Variants in BSX observed in about 807,000 individuals in gnomAD.
The protein encoded by BSX is brain specific homeobox, also known as brain-specific homeobox protein homolog.
A neutral mutation model predicts 16.9 loss-of-function variants in BSX; 12 were observed. The observed-to-expected ratio is 0.71, with a 90% confidence interval of 0.46 to 1.15. The LOEUF (loss-of-function observed/expected upper bound fraction) is 1.15. BSX is among the 50% of genes most tolerant of loss of function. The pLI is 0.00. For synonymous variants in BSX, 160 were observed against 136.4 expected (o/e 1.17, Z -1.20); for missense variants, 292 against 311.8 (o/e 0.94, Z 0.48).
At chr11:122,979,806 T>C (rs1456131432) in intron 1 of BSX, among the ~76,000 whole-genome samples, 4 of 152,138 alleles carry the variant, frequency 2.6e-5, no homozygotes. Context: ...GCGCGGAGTC[T>C]TCAGTTGCGC....
rs779880586 is a variant in BSX, at chr11:122,979,442, G to C, written c.278C>G (p.Ala93Gly). 3.1e-6 allele frequency: 5 copies of C among 1,611,950 alleles called. No individual in the cohort carries two copies. The highest frequency in any genetic ancestry group is 4.2e-6 in the Non-Finnish European group (5 of 1,179,672). Residue 93 changes from alanine (A) to glycine (G), a missense_variant, in exon 2 of 3, where the codon GCG becomes GGG. Physicochemically the swap from Ala to Gly is moderately conservative, Grantham distance 60. Around this residue, in one of 3 missense-constraint regions of BSX, gnomAD observed 176 missense variants for 187.2 expected, o/e 0.94. Transcript: ENST00000343035. The part of the protein sequence containing the change: ...FLTTSGMPVP[A>G]LFPHPQHAEL... The stretch of plus-strand genomic sequence containing the variant: ...CGCGTGCTGCGGGTGCGGGAACAGC[G>C]CTGGGACTGGCATCCCTGCAGAGAG...
At position 122,977,952 on chromosome 11, in the gene BSX, G is replaced by C. The variant is rs1591410713; in HGVS notation, c.460-61C>G. 1 of 1,599,606 alleles carries C rather than the reference G, an allele frequency of 6.3e-7. No individual in the cohort carries two copies. The highest frequency in any genetic ancestry group is 2.2e-5 in the East Asian group (1 of 44,852). ...TCCTCCAAATCTGAGCCATCGCTGG[G>C]GTTTAGGAAAATGGGCTGCAGTCCG... On this transcript the variant is annotated intron_variant, in intron 2 of 2. Transcript: ENST00000343035. This position sits in a 1 kb window ranked among gnomAD's most constrained non-coding sequence, Gnocchi z 4.5.
At chr11:122,980,637 G>C (rs1420027117) in intron 1 of BSX, among the ~76,000 whole-genome samples, 1 of 152,126 alleles carries the variant, frequency 6.6e-6, no homozygotes, top group Non-Finnish European at 1.5e-5. Flanking sequence ...CTTTCAGAGG[G>C]AGACAGAAAA....
intron 1 of BSX, among the ~76,000 whole-genome samples, chr11:122,980,045 G>A (rs922938848): frequency 3.3e-5 from 5 of 152,166 alleles, no homozygotes; most frequent in Non-Finnish European, 5.9e-5. Flanking sequence ...GAGAAGCCCC[G>A]GAGCCGAAAC....
rs552096658 is a variant in BSX, at chr11:122,981,716, G to C, written c.-45C>G. On this transcript the variant is annotated 5_prime_UTR_variant, in exon 1 of 3. Transcript: ENST00000343035. ...ACAGGACAAGGGCCGGGACGAAGTG[G>C]AGGACGCAGGCAGAGTCTCCAAGCC... The C allele has an allele frequency of 6.5e-7, 1 of 1,531,184 alleles. No homozygotes were observed. The allele number at this position is 1,531,184 out of a possible 1,614,324, so 94.8% of individuals were successfully genotyped here. A position where few individuals can be genotyped will look rare whatever the true frequency, so the allele number is the denominator to read the frequency against.
chr11:122,977,922 G>C lies in BSX; in HGVS notation c.460-31C>G, dbSNP rs1312972742. 2 of 1,610,352 alleles carry C rather than the reference G, an allele frequency of 1.2e-6. No homozygotes were observed. Among genetic ancestry groups the C allele is most frequent in the Non-Finnish European group, 8.5e-7 (1 of 1,179,796 alleles). ...TTCGGGGAGATAAAAATAAAATCAT[G>C]TCATTCCTCCAAATCTGAGCCATCG... is the stretch of plus-strand genomic sequence containing the variant. On this transcript the variant is annotated intron_variant, in intron 2 of 2. Transcript: ENST00000343035. This position sits in a 1 kb window ranked among gnomAD's most constrained non-coding sequence, Gnocchi z 4.5.
rs763467899 is a variant in BSX, at chr11:122,979,478, A to T, written c.263-21T>A. 11 of 1,595,428 alleles carry T rather than the reference A, an allele frequency of 6.9e-6. No homozygotes were observed. The East Asian group carries it at 2.0e-4, about 29-fold the overall frequency. ...CATCCCTGCAGAGAGAAGAGCAACC[A>T]AGTGGGCAGAGCGTGGGTCGCCGGA... On this transcript the variant is annotated intron_variant, in intron 1 of 2. Transcript: ENST00000343035.
intron 1 of BSX, 62 bp from the exon 2 acceptor site, chr11:122,979,519 C>T (rs1864542441): frequency 6.9e-7 from 1 of 1,458,192 alleles, no homozygotes; most frequent in East Asian, 2.3e-5. Context: ...ATCTCCGCTC[C>T]GCTCCCCTCC....
chr11:122,979,426 C>G lies in BSX; in HGVS notation c.294G>C (p.Pro98=), dbSNP rs369683033. The change falls in exon 2 of 3, where the codon CCG becomes CCC. Residue 98 remains proline (P), a synonymous_variant. Coordinates refer to ENST00000343035, the MANE Select transcript of BSX (RefSeq NM_001098169.2). ...GCTTCCCCGGCAGCTCCGCGTGCTG[C>G]GGGTGCGGGAACAGCGCTGGGACTG... The part of the protein sequence containing the change: ...GMPVPALFPH[P]QHAELPGKHC... 1.9e-6 allele frequency: 3 copies of G among 1,613,176 alleles called. No individual in the cohort carries two copies. Among genetic ancestry groups the G allele is most frequent in the South Asian group, 2.2e-5 (2 of 91,018 alleles).
rs971109678 is a variant in BSX, at chr11:122,981,502, G to A, written c.170C>T (p.Pro57Leu). 6 of 1,590,568 alleles carry A rather than the reference G, an allele frequency of 3.8e-6. No individual in the cohort carries two copies. The highest frequency in any genetic ancestry group is 3.4e-6 in the Non-Finnish European group (4 of 1,168,390). The stretch of plus-strand genomic sequence containing the variant: ...CAAGAGGGTGGGTGTGGGCATGAGG[G>A]GGTAGCCATAGTCTAGCAGAGGCAC... ...SRVPLLDYGYPLMPTPTLLAP... is the reference protein window; with the variant it reads ...SRVPLLDYGYLLMPTPTLLAP... Residue 57 changes from proline to leucine, a missense_variant, in exon 1 of 3, where the codon CCC becomes CTC. Transcript: ENST00000343035.
chr11:122,979,237 G>T, intron 2 of BSX, 24 bp downstream of exon 2: 2 of 1,598,522 alleles, frequency 1.3e-6, no homozygotes, highest in Non-Finnish European at 1.7e-6. Flanking sequence ...GCAGAGATCA[G>T]GGCCTCCCTC....
At position 122,981,585 on chromosome 11, in the gene BSX, C is replaced by T. The variant is rs1256115596; in HGVS notation, c.87G>A (p.Lys29=). The change falls in exon 1 of 3, where the codon AAG becomes AAA. Residue 29 remains lysine, a synonymous_variant. Coordinates refer to ENST00000343035, the MANE Select transcript of BSX (RefSeq NM_001098169.2). Reference sequence around the variant, plus strand: ...GGGCCACCTCTCTCAGCGGCTTGGGCTTGTGCAGCAGGATGTCCTCGATGA... The same window carrying T: ...GGGCCACCTCTCTCAGCGGCTTGGGTTTGTGCAGCAGGATGTCCTCGATGA... ...SFFIEDILLH[K]PKPLREVAPD... 1.3e-6 allele frequency: 2 copies of T among 1,598,884 alleles called. No individual in the cohort carries two copies. Among genetic ancestry groups the T allele is most frequent in the Non-Finnish European group, 8.5e-7 (1 of 1,173,048 alleles).
At chr11:122,978,335 G>C (rs952317310) in intron 2 of BSX, among the ~76,000 whole-genome samples, 1 of 152,192 alleles carries the variant, frequency 6.6e-6, no homozygotes. Context: ...GAGGCGTTCC[G>C]GGTAGAGACT....
At chr11:122,980,526 C>T (rs1452378039) in intron 1 of BSX, among the ~76,000 whole-genome samples, 1 of 152,172 alleles carries the variant, frequency 6.6e-6, no homozygotes, top group Non-Finnish European at 1.5e-5. Flanking sequence ...GCCCCTCCAC[C>T]GACCATGGTT....
At chr11:122,979,171 A>C in intron 2 of BSX, 90 bp downstream of exon 2, 2 of 1,235,062 alleles carry the variant, frequency 1.6e-6, no homozygotes, top group Non-Finnish European at 2.3e-6. Flanking sequence ...GTCTATTTCT[A>C]CTCGAACTCC....
In BSX at chr11:122,979,299, C is replaced by A; in HGVS notation, c.421G>T (p.Val141Leu). The A allele has an allele frequency of 6.2e-7, 1 of 1,614,068 alleles. No homozygotes were observed. Among genetic ancestry groups the A allele is most frequent in the Non-Finnish European group, 8.5e-7 (1 of 1,179,948 alleles). Residue 141 changes from valine to leucine, a missense_variant, in exon 2 of 3, where the codon GTG becomes TTG. Val to Leu is a conservative substitution (Grantham distance 32). Around this residue, in one of 3 missense-constraint regions of BSX, gnomAD observed 176 missense variants for 187.2 expected, o/e 0.94. Transcript: ENST00000343035. The stretch of plus-strand genomic sequence containing the variant: ...AGGCTGAGGGCCGTGGCCAGCTCCA[C>A]TCGTTCTGGCGTGGACAGGTAGCGC... ...IQRYLSTPER[V>L]ELATALSLSE...
rs181974974 is a variant in BSX, at chr11:122,978,494, T to A, written c.460-603A>T. Among the ~76,000 whole-genome samples the A allele has an allele frequency of 2.6e-5, 4 of 152,110 alleles. No homozygotes were observed. The East Asian group carries it at 7.8e-4, about 30-fold the overall frequency. ...GTGTTGGGGTTGGAGCGGAGGTGCA[T>A]GTGAACACTGGCCGCTGTGAGAGAG... is the stretch of plus-strand genomic sequence containing the variant. On this transcript the variant is annotated intron_variant, in intron 2 of 2. Coordinates refer to ENST00000343035, the MANE Select transcript of BSX (RefSeq NM_001098169.2).
At chr11:122,980,768 G>A (rs1864559232) in intron 1 of BSX, among the ~76,000 whole-genome samples, 2 of 152,198 alleles carry the variant, frequency 1.3e-5, no homozygotes, top group African/African-American at 2.4e-5. Context: ...GGCAGCTGGG[G>A]CAGAGGAGGG....
At chr11:122,981,346 C>T (rs975383627) in intron 1 of BSX, 64 bp downstream of exon 1, 7 of 1,424,074 alleles carry the variant, frequency 4.9e-6, no homozygotes, top group Non-Finnish European at 6.5e-6. Context: ...CCATCACAGG[C>T]TTAGGGTCTG....
Sources: gnomAD v4.1 joint callset for allele counts (sites outside exome capture counted in the v4.1 genomes callset) on GRCh38, gnomAD v4.1.1 for gene constraint, gnomAD v4.1.1 regional missense constraint, Gnocchi (gnomAD v3.1) non-coding constraint, MANE v1.5 for transcripts, NCBI Gene and HGNC (gene_info 2026-07-23, HGNC 2026-07-21) for gene names.